Variants in ROCK2 observed in about 807,000 individuals in gnomAD.
The protein encoded by ROCK2 is rho-associated protein kinase 2.
In ROCK2, 61 loss-of-function variants were observed where a neutral mutation model predicts 195.1. The observed-to-expected ratio is 0.31, with a 90% confidence interval of 0.25 to 0.39. The LOEUF is 0.39. Among genes scored for constraint, ROCK2 ranks in the 10% least tolerant of loss-of-function variants. The pLI is 1.00. For synonymous variants in ROCK2, 504 were observed against 545.5 expected (o/e 0.92, Z 1.06); for missense variants, 1,109 against 1,637.4 (o/e 0.68, Z 5.57).
At chr2:11,287,826 C>T in intron 1 of ROCK2, 90 bp from the exon 2 acceptor site, 1 of 469,506 alleles carries the variant, frequency 2.1e-6, no homozygotes, top group East Asian at 3.6e-5. Flanking sequence ...ATGTCATTTT[C>T]ACCAGGAAAA....
At chr2:11,262,972 T>G (rs968573269) in intron 3 of ROCK2, among the ~76,000 whole-genome samples, 1 of 152,192 alleles carries the variant, frequency 6.6e-6, no homozygotes, top group African/African-American at 2.4e-5. Flanking sequence ...CTACCATAGA[T>G]ACACAAAAAA....
chr2:11,226,470 A>T (rs1418027746), intron 6 of ROCK2, among the ~76,000 whole-genome samples: 7 of 152,202 alleles, frequency 4.6e-5, no homozygotes, highest in African/African-American at 1.7e-4. Context: ...CAAACAATAT[A>T]TATGCAAGAA....
intron 1 of ROCK2, among the ~76,000 whole-genome samples, chr2:11,317,612 A>ATTTTTT (rs1553317464): frequency 1.0e-4 from 2 of 19,312 alleles, no homozygotes; most frequent in African/African-American, 3.2e-4. Context: ...ATATATATAT[A>ATTTTTT]TTTTTTTTTT....
chr2:11,313,248 C>T (rs1219115104), intron 1 of ROCK2, among the ~76,000 whole-genome samples: 3 of 151,970 alleles, frequency 2.0e-5, no homozygotes, highest in African/African-American at 4.8e-5. Flanking sequence ...GACCTCTGTA[C>T]CATCTGCTTA....
chr2:11,255,713 A>T (rs769109540), intron 3 of ROCK2, among the ~76,000 whole-genome samples: 67 of 150,844 alleles, frequency 4.4e-4, no homozygotes, highest in Non-Finnish European at 9.1e-4. Context: ...TGAGGTCAGG[A>T]GTTCGAGACC....
At chr2:11,207,662 A>ATTTTT in intron 20 of ROCK2, 64 bp downstream of exon 20, 1 of 1,272,194 alleles carries the variant, frequency 7.9e-7, no homozygotes, top group Non-Finnish European at 1.1e-6. Context: ...ATCCACAGAT[A>ATTTTT]CACCAAAATT....
rs1669196936 is a variant in ROCK2, at chr2:11,344,005, C to T, written c.132G>A (p.Glu44=). The change falls in exon 1 of 33, where the codon GAG becomes GAA. Residue 44 remains glutamate (E), a synonymous_variant. Transcript: ENST00000315872. This position sits in a 1 kb window ranked among gnomAD's most constrained non-coding sequence, Gnocchi z 5.4. ...IRDPRSPINV[E]SLLDGLNSLV... is the part of the protein sequence containing the mutation. ...GGCCCCGGCCACCTACCAGCAAGCT[C>T]TCCACGTTGATGGGGGAGCGAGGGT... 6.3e-7 allele frequency: 1 copy of T among 1,589,246 alleles called. No individual in the cohort carries two copies. Among genetic ancestry groups the T allele is most frequent in the Non-Finnish European group, 8.6e-7 (1 of 1,168,944 alleles).
chr2:11,286,666 T>C (rs200987741), intron 2 of ROCK2, 27 bp from the exon 3 acceptor site: 17 of 1,133,818 alleles, frequency 1.5e-5, no homozygotes, highest in East Asian at 2.4e-5. Context: ...ACCATACTTA[T>C]AATATCAATC....
intron 29 of ROCK2, 52 bp downstream of exon 29, chr2:11,194,204 C>A: frequency 1.3e-6 from 1 of 778,138 alleles, no homozygotes; most frequent in South Asian, 2.5e-5. Context: ...CATTGTTAGT[C>A]TCTTATACTT....
Position 11,192,779 on chromosome 2 carries a change from G to A in ROCK2, c.3688-67C>T. The A allele has an allele frequency of 6.8e-7, 1 of 1,476,874 alleles. No individual in the cohort carries two copies. Among genetic ancestry groups the A allele is most frequent in the South Asian group, 1.3e-5 (1 of 75,232 alleles). The allele number at this position is 1,476,874 out of a possible 1,614,324, so 91.5% of individuals were successfully genotyped here. On this transcript the variant is annotated intron_variant, in intron 30 of 32. Transcript: ENST00000315872. This position sits in a 1 kb window ranked among gnomAD's most constrained non-coding sequence, Gnocchi z 5.0. ...TATTTTTTTATGTAGGAACAATTCT[G>A]ATAGTGTAAGTAAAATAAAATTAGC...
intron 3 of ROCK2, among the ~76,000 whole-genome samples, chr2:11,266,437 T>C (rs1023158615): frequency 1.3e-5 from 2 of 152,212 alleles, no homozygotes; most frequent in African/African-American, 2.4e-5. Flanking sequence ...CAAAACACCA[T>C]AATGCTGCGC....
chr2:11,220,827 T>A (rs1244634235), intron 9 of ROCK2, among the ~76,000 whole-genome samples: 1 of 152,176 alleles, frequency 6.6e-6, no homozygotes, highest in Admixed American at 6.5e-5. Flanking sequence ...AAGAGATGAC[T>A]TCTATTTTTC....
At chr2:11,339,495 C>T (rs1200030881) in intron 1 of ROCK2, among the ~76,000 whole-genome samples, 2 of 149,768 alleles carry the variant, frequency 1.3e-5, no homozygotes. Flanking sequence ...TTCACGTGAG[C>T]TCCAGAAATG....
chr2:11,342,218 T>A (rs1669128648), intron 1 of ROCK2, among the ~76,000 whole-genome samples: 5 of 151,888 alleles, frequency 3.3e-5, no homozygotes, highest in Non-Finnish European at 1.5e-5. Context: ...AATAACAGAG[T>A]CTGTCAAGTC....
chr2:11,301,538 A>G (rs1362540324), intron 1 of ROCK2, among the ~76,000 whole-genome samples: 1 of 151,986 alleles, frequency 6.6e-6, no homozygotes, highest in Non-Finnish European at 1.5e-5. Context: ...GCACTTTGGG[A>G]GGCTGAGGCA....
rs1290941813 is a variant in ROCK2, at chr2:11,344,311, G to A, written c.-175C>T. The A allele has an allele frequency of 3.3e-6, 4 of 1,219,986 alleles. No individual in the cohort carries two copies. The East Asian group carries it at 1.0e-4, about 31-fold the overall frequency. 75.6% of individuals were successfully genotyped at this position (1,219,986 alleles called of 1,614,324 possible). On this transcript the variant is annotated 5_prime_UTR_variant, in exon 1 of 33. Coordinates refer to ENST00000315872, the MANE Select transcript of ROCK2 (RefSeq NM_004850.5). The surrounding 1 kb of genome is among the most constrained non-coding windows in gnomAD (Gnocchi z 5.4). ...TCCCCCGCCTGGGGGCTGCTCCCAG[G>A]GGCCCGCCCGGCCCAGCCCGGCCCA...
At chr2:11,247,991 C>T (rs1439485166) in intron 4 of ROCK2, among the ~76,000 whole-genome samples, 1 of 151,832 alleles carries the variant, frequency 6.6e-6, no homozygotes, top group Non-Finnish European at 1.5e-5. Flanking sequence ...CACTGAACTC[C>T]AGCCTGGGTG....
At chr2:11,204,323 T>C (rs778068560) in intron 20 of ROCK2, among the ~76,000 whole-genome samples, 5 of 152,136 alleles carry the variant, frequency 3.3e-5, no homozygotes, top group South Asian at 4.1e-4. Flanking sequence ...TTCCCTCTTA[T>C]AGCAACCACA....
intron 3 of ROCK2, among the ~76,000 whole-genome samples, chr2:11,267,142 C>T (rs528173335): frequency 6.6e-6 from 1 of 152,172 alleles, no homozygotes; most frequent in African/African-American, 2.4e-5. Flanking sequence ...CATAACTACA[C>T]AGGTATGCAG....
Sources: allele counts gnomAD v4.1 joint callset (sites outside exome capture counted in the v4.1 genomes callset), GRCh38; gene constraint gnomAD v4.1.1; non-coding constraint Gnocchi (gnomAD v3.1); transcripts MANE v1.5; gene names NCBI Gene and HGNC (gene_info 2026-07-23, HGNC 2026-07-21).